TIAM2: variants seen among roughly 807,000 people sequenced by gnomAD.
The protein encoded by TIAM2 is rho guanine nucleotide exchange factor TIAM2.
A neutral mutation model predicts 152.9 loss-of-function variants in TIAM2; 80 were observed. The observed-to-expected ratio is 0.52, with a 90% CI of 0.44 to 0.63. The LOEUF (loss-of-function observed/expected upper bound fraction) is 0.63, where lower values mean the gene tolerates loss of function less well. Among genes scored for constraint, TIAM2 ranks in the 30% least tolerant of loss-of-function variants. The pLI is 0.00. For missense variants in TIAM2, 1,965 were observed against 2,120.1 expected (o/e 0.93, Z 1.44); for synonymous variants, 804 against 838.0 (o/e 0.96, Z 0.70).
intron 7 of TIAM2, among the ~76,000 whole-genome samples, chr6:155,150,997 T>C (rs1779944483): frequency 6.6e-6 from 1 of 152,208 alleles, no homozygotes. Context: ...ACACAACTCT[T>C]GTTTTTCACC....
At chr6:155,239,587 A>T (rs1288015673) in intron 15 of TIAM2, among the ~76,000 whole-genome samples, 2 of 152,234 alleles carry the variant, frequency 1.3e-5, no homozygotes, top group Non-Finnish European at 2.9e-5. Context: ...TGTCTTTGAG[A>T]AGGCGGAAGC....
At chr6:155,240,235 G>A (rs1384541191) in intron 15 of TIAM2, among the ~76,000 whole-genome samples, 1 of 152,248 alleles carries the variant, frequency 6.6e-6, no homozygotes, top group Non-Finnish European at 1.5e-5. Flanking sequence ...ACTGCAGAGG[G>A]TTAGCCCTAG....
At chr6:155,246,985 C>A (rs1783374874) in intron 19 of TIAM2, among the ~76,000 whole-genome samples, 1 of 152,218 alleles carries the variant, frequency 6.6e-6, no homozygotes, top group Non-Finnish European at 1.5e-5. Flanking sequence ...CCAAATGCAC[C>A]TGGATTCCTA....
chr6:155,017,694 G>A (rs531701512), intron 1 of TIAM2, among the ~76,000 whole-genome samples: 12 of 151,914 alleles, frequency 7.9e-5, no homozygotes, highest in Admixed American at 1.3e-4. Flanking sequence ...TTGTAGAAAC[G>A]GGGTTTCACC....
At chr6:155,053,466 C>CT (rs11401916) in intron 1 of TIAM2, among the ~76,000 whole-genome samples, 48,840 of 127,158 alleles carry the variant, frequency 0.38, 9,471 homozygotes, top group East Asian at 0.57. Flanking sequence ...ATTCTTGCAG[C>CT]TTTTTTTTTT....
At chr6:155,012,770 C>G (rs1435263221) in intron 1 of TIAM2, among the ~76,000 whole-genome samples, 1 of 152,136 alleles carries the variant, frequency 6.6e-6, no homozygotes, top group African/African-American at 2.4e-5. Flanking sequence ...AGGCTGGTCT[C>G]GAACTCCTGA....
At chr6:155,136,426 C>T (rs373761931) in intron 4 of TIAM2, among the ~76,000 whole-genome samples, 6 of 151,720 alleles carry the variant, frequency 4.0e-5, no homozygotes, top group African/African-American at 1.4e-4. Context: ...AGGTGCTCAC[C>T]GCCAGGCCTG....
intron 1 of TIAM2, among the ~76,000 whole-genome samples, chr6:155,062,666 A>G (rs926232741): frequency 6.8e-6 from 1 of 147,822 alleles, no homozygotes; most frequent in African/African-American, 2.5e-5. Context: ...GCAACCTCCT[A>G]CACCTGAGTT....
chr6:155,072,565 T>C (rs1777862803), intron 1 of TIAM2, among the ~76,000 whole-genome samples: 1 of 152,044 alleles, frequency 6.6e-6, no homozygotes, highest in Admixed American at 6.6e-5. Context: ...GGCCAGGTGA[T>C]AAGGGGTTAG....
At chr6:155,216,001 G>T (rs894533108) in intron 15 of TIAM2, among the ~76,000 whole-genome samples, 2 of 151,968 alleles carry the variant, frequency 1.3e-5, no homozygotes, top group African/African-American at 4.8e-5. Flanking sequence ...TAGAGACTAG[G>T]TCTCACTGTG....
intron 2 of TIAM2, among the ~76,000 whole-genome samples, chr6:155,099,923 A>C (rs965041231): frequency 1.3e-5 from 2 of 152,274 alleles, no homozygotes; most frequent in South Asian, 4.1e-4. Flanking sequence ...ATGTGACTGT[A>C]GTGAATACTG....
At chr6:155,102,644 A>T (rs1778576901) in intron 2 of TIAM2, among the ~76,000 whole-genome samples, 1 of 152,122 alleles carries the variant, frequency 6.6e-6, no homozygotes, top group Non-Finnish European at 1.5e-5. Flanking sequence ...ATATCTTTGC[A>T]TGCATGTGTG....
intron 1 of TIAM2, among the ~76,000 whole-genome samples, chr6:155,073,750 G>A (rs748317661): frequency 2.0e-5 from 3 of 152,140 alleles, no homozygotes; most frequent in Non-Finnish European, 4.4e-5. Context: ...AGTCTATTAC[G>A]ATTTCTACTT....
At chr6:155,122,578 A>G (rs1386818006) in intron 2 of TIAM2, among the ~76,000 whole-genome samples, 1 of 151,994 alleles carries the variant, frequency 6.6e-6, no homozygotes, top group Non-Finnish European at 1.5e-5. Context: ...TTAAAATTCC[A>G]ATATTTATTA....
intron 14 of TIAM2, among the ~76,000 whole-genome samples, chr6:155,198,135 G>A (rs908587941): frequency 7.2e-5 from 11 of 152,076 alleles, no homozygotes; most frequent in African/African-American, 2.4e-4. Context: ...CGGAATCTTG[G>A]GCTCTTCCTC....
intron 4 of TIAM2, among the ~76,000 whole-genome samples, chr6:155,133,721 A>G (rs1288888255): frequency 1.4e-5 from 2 of 147,284 alleles, no homozygotes; most frequent in African/African-American, 2.5e-5. Flanking sequence ...GTAGAGTGAC[A>G]TCTCTTGAGT....
chr6:155,027,948 T>G, intron 1 of TIAM2, among the ~76,000 whole-genome samples: 1 of 121,278 alleles, frequency 8.2e-6, no homozygotes, highest in African/African-American at 3.6e-5. Flanking sequence ...ATATATGTAC[T>G]GTGTTACATA....
In TIAM2 at chr6:155,165,228, C is replaced by T. The variant is rs571400658; in HGVS notation, c.2215-35C>T. 66 of 1,582,330 alleles carry T rather than the reference C, an allele frequency of 4.2e-5. No individual in the cohort carries two copies. The South Asian group carries it at 7.7e-4, about 19-fold the overall frequency. ...TTTTTTCTGCCACTCAAATACTAAG[C>T]CTTTAGATTTTTTTTAAACTGTGTT... On this transcript the variant is annotated intron_variant, in intron 8 of 26. Coordinates refer to ENST00000682666, the MANE Select transcript of TIAM2 (RefSeq NM_012454.4).
At chr6:155,244,587 G>T in intron 17 of TIAM2, 71 bp from the exon 18 acceptor site, 1 of 1,536,322 alleles carries the variant, frequency 6.5e-7, no homozygotes, top group South Asian at 1.2e-5. Flanking sequence ...TTATTTGTGG[G>T]CCTAAGAGTT....
Sources: gnomAD v4.1 joint callset for allele counts (sites outside exome capture counted in the v4.1 genomes callset) on GRCh38, gnomAD v4.1.1 for gene constraint, MANE v1.5 for transcripts, NCBI Gene and HGNC (gene_info 2026-07-23, HGNC 2026-07-21) for gene names.